The following MT1X variants were observed in gnomAD, a reference collection of about 807,000 sequenced individuals.
MT1X encodes metallothionein 1X, also known as metallothionein-1X.
A neutral mutation model predicts 8.6 loss-of-function variants in MT1X; 7 were observed. The ratio of observed to expected loss-of-function variants is 0.81; its 90% CI spans 0.46 to 1.52. The LOEUF (loss-of-function observed/expected upper bound fraction) is 1.52. Ranked by LOEUF, MT1X falls within the 40% of genes most tolerant of loss-of-function variation. The probability of loss-of-function intolerance (pLI) is 0.01; values close to 1 mark genes in which losing one functional copy is unlikely to be tolerated. For synonymous variants in MT1X, 25 were observed against 27.6 expected (o/e 0.91, Z 0.30); for missense variants, 72 against 74.3 (o/e 0.97, Z 0.11).
chr16:56,683,716 C>T (rs1445677691), intron 2 of MT1X: 1 of 550,968 alleles, frequency 1.8e-6, no homozygotes, highest in African/African-American at 1.9e-5. Context: ...CCTTTTGTTC[C>T]TGTACCCCCA....
At chr16:56,683,933 C>T in intron 2 of MT1X, 25 bp from the exon 3 acceptor site, 1 of 1,613,790 alleles carries the variant, frequency 6.2e-7, no homozygotes, top group South Asian at 1.1e-5. Flanking sequence ...CTGCTCTGAC[C>T]TCTCACTCTC....
Position 56,684,041 on chromosome 16 carries a change from T to A in MT1X, c.178T>A (p.Cys60Ser). The A allele has an allele frequency of 1.9e-6, 3 of 1,613,738 alleles. No individual in the cohort carries two copies. Among genetic ancestry groups the A allele is most frequent in the Non-Finnish European group, 2.5e-6 (3 of 1,179,932 alleles). The part of the protein sequence containing the change: ...CKGTSDKCSC[C>S]A ...AGGGACGTCAGACAAGTGCAGCTGCTGTGCCTGATGCCAGGACAGCTGTGC... is the reference window on the plus strand; with the variant it reads ...AGGGACGTCAGACAAGTGCAGCTGCAGTGCCTGATGCCAGGACAGCTGTGC... The change falls in exon 3 of 3, where the codon TGT (cysteine) becomes AGT (serine). Residue 60 changes from cysteine (C) to serine (S), a missense_variant. Physicochemically the swap from Cys to Ser is moderately radical, Grantham distance 112. Transcript: ENST00000394485.
intron 2 of MT1X, 29 bp downstream of exon 2, chr16:56,683,259 G>T (rs1471714211): frequency 1.2e-6 from 2 of 1,612,936 alleles, no homozygotes; most frequent in African/African-American, 1.3e-5. Context: ...CTGCGAATCT[G>T]GGGGATGGGC....
chr16:56,682,625 C>T lies in MT1X; in HGVS notation c.28+57C>T. The T allele has an allele frequency of 2.5e-6, 4 of 1,604,080 alleles. No individual in the cohort carries two copies. The South Asian group carries it at 3.3e-5, about 13-fold the overall frequency. ...GCCCGTTTCCCAGCCACAGTACAGA[C>T]TCTTCCTGGGTTTGAAGAAGTCGCA... is the stretch of plus-strand genomic sequence containing the variant. On this transcript the variant is annotated intron_variant, in intron 1 of 2. Coordinates refer to ENST00000394485, the MANE Select transcript of MT1X (RefSeq NM_005952.4).
rs1961035141 is a variant in MT1X, at chr16:56,683,996, G to C, written c.133G>C (p.Ala45Pro). The change falls in exon 3 of 3, where the codon GCC becomes CCC. Residue 45 changes from alanine (A) to proline (P), a missense_variant. By Grantham distance (27) the Ala-to-Pro change is conservative. Transcript: ENST00000394485. The part of the protein sequence containing the change: ...SCCPVGCAKC[A>P]QGCICKGTSD... The stretch of plus-strand genomic sequence containing the variant: ...CTGCCCTGTGGGCTGTGCCAAGTGT[G>C]CCCAGGGCTGCATCTGCAAAGGGAC... 2 of 1,614,112 alleles carry C rather than the reference G, an allele frequency of 1.2e-6. No homozygotes were observed.
intron 2 of MT1X, 129 bp from the exon 3 acceptor site, chr16:56,683,829 A>T: frequency 7.3e-7 from 1 of 1,363,606 alleles, no homozygotes; most frequent in Non-Finnish European, 1.0e-6. Flanking sequence ...TTCTCTTCTG[A>T]CAAAGCCATG....
chr16:56,682,809 GGCTGCTGGCTGAGCCCCAAT>G lies in MT1X; in HGVS notation c.28+245_28+264del, dbSNP rs1411295800. ...CTCCATGTCACCCAGTTGGTCAGGG[GGCTGCTGGCTGAGCCCCAAT>G]GCTCTGACCAGGCTCTGAGCAGTCA... On this transcript the variant is annotated intron_variant, in intron 1 of 2. Coordinates refer to ENST00000394485, the MANE Select transcript of MT1X (RefSeq NM_005952.4). The G allele has an allele frequency of 2.0e-5, 12 of 606,618 alleles. No homozygotes were observed. The Admixed American group carries it at 3.6e-4, about 18-fold the overall frequency. The allele number at this position is 606,618 out of a possible 1,614,324, so 37.6% of individuals were successfully genotyped here. A position where few individuals can be genotyped will look rare whatever the true frequency, so the allele number is the denominator to read the frequency against.
At chr16:56,683,366 C>A in intron 2 of MT1X, 136 bp downstream of exon 2, 3 of 989,516 alleles carry the variant, frequency 3.0e-6, no homozygotes, top group South Asian at 1.5e-5. Context: ...AGAATCAGAC[C>A]TCAAATTGCC....
At position 56,684,105 on chromosome 16, in the gene MT1X, T is replaced by A. The variant is rs1224869875; in HGVS notation, c.*56T>A. ...TAGAGCAACCTATATAAACCTGGATTTTTTTTTTTTTTTTTTTTGTACAAC... is the reference window on the plus strand; with the variant it reads ...TAGAGCAACCTATATAAACCTGGATATTTTTTTTTTTTTTTTTTGTACAAC... On this transcript the variant is annotated 3_prime_UTR_variant, in exon 3 of 3. Transcript: ENST00000394485. 7.2e-5 allele frequency: 19 copies of A among 262,228 alleles called. No individual in the cohort carries two copies. Among genetic ancestry groups the A allele is most frequent in the Non-Finnish European group, 8.5e-5 (17 of 199,034 alleles). 16.2% of individuals were successfully genotyped at this position (262,228 alleles called of 1,614,324 possible).
intron 1 of MT1X, 48 bp from the exon 2 acceptor site, chr16:56,683,116 AC>A (rs368763404): frequency 5.6e-6 from 9 of 1,608,398 alleles, no homozygotes; most frequent in African/African-American, 4.0e-5. Flanking sequence ...CAGCTGCTGT[AC>A]CTTCTGCATC....
rs34700091 is a variant in MT1X, at chr16:56,684,103, A to ATTT, written c.*72_*74dup. 3.8e-4 allele frequency: 489 copies of ATTT among 1,275,372 alleles called. No individual in the cohort carries two copies. The highest frequency in any genetic ancestry group is 1.4e-3 in the South Asian group (89 of 64,896). The allele number at this position is 1,275,372 out of a possible 1,614,324, so 79.0% of individuals were successfully genotyped here. A position where few individuals can be genotyped will look rare whatever the true frequency, so the allele number is the denominator to read the frequency against. ...AATAGAGCAACCTATATAAACCTGG[A>ATTT]TTTTTTTTTTTTTTTTTTTTGTACA... On this transcript the variant is annotated 3_prime_UTR_variant, in exon 3 of 3. Coordinates refer to ENST00000394485, the MANE Select transcript of MT1X (RefSeq NM_005952.4).
intron 1 of MT1X, 79 bp downstream of exon 1, chr16:56,682,647 C>A (rs377032037): frequency 2.6e-6 from 4 of 1,566,358 alleles, no homozygotes; most frequent in South Asian, 1.1e-5. Context: ...TTGAAGAAGT[C>A]GCATTTAAAG....
chr16:56,683,832 A>C, intron 2 of MT1X, 126 bp from the exon 3 acceptor site: 1 of 1,381,912 alleles, frequency 7.2e-7, no homozygotes, highest in South Asian at 1.3e-5. Flanking sequence ...TCTTCTGACA[A>C]AGCCATGCCA....
rs1961013516 is a variant in MT1X, at chr16:56,682,530, C to T, written c.-11C>T. On this transcript the variant is annotated 5_prime_UTR_variant, in exon 1 of 3. Transcript: ENST00000394485. ...TCTTGATCGGGAACTCCTGCTTCTC[C>T]TTGCCTCGAAATGGACCCCAACTGC... is the stretch of plus-strand genomic sequence containing the variant. The T allele has an allele frequency of 6.2e-7, 1 of 1,614,224 alleles. No individual in the cohort carries two copies. Among genetic ancestry groups the T allele is most frequent in the Non-Finnish European group, 8.5e-7 (1 of 1,180,038 alleles).
chr16:56,683,914 T>G (rs1464854933), intron 2 of MT1X, 44 bp from the exon 3 acceptor site: 1 of 1,612,312 alleles, frequency 6.2e-7, no homozygotes, highest in East Asian at 2.2e-5. Flanking sequence ...GGGAGGTGCC[T>G]GATTGAGTCT....
At chr16:56,683,582 C>G (rs1302273640) in intron 2 of MT1X, 4 of 392,220 alleles carry the variant, frequency 1.0e-5, no homozygotes, top group Non-Finnish European at 1.9e-5. Context: ...ATGATCCAGT[C>G]CTTTCCTGCA....
At chr16:56,682,905 G>A in intron 1 of MT1X, 1 of 593,716 alleles carries the variant, frequency 1.7e-6, no homozygotes, top group Non-Finnish European at 3.0e-6. Flanking sequence ...CAGGACAGAA[G>A]GTTCTGGCCT....
In MT1X at chr16:56,683,470, G is replaced by C. The variant is rs1961026338; in HGVS notation, c.94+240G>C. On this transcript the variant is annotated intron_variant, in intron 2 of 2. Coordinates refer to ENST00000394485, the MANE Select transcript of MT1X (RefSeq NM_005952.4). Reference sequence around the variant, plus strand: ...AGTGTTGGGAACAAAGCTGGAATGTGAACCTAGGTCTCCTGCCTCCTGATG... The same window carrying C: ...AGTGTTGGGAACAAAGCTGGAATGTCAACCTAGGTCTCCTGCCTCCTGATG... 7 of 505,662 alleles carry C rather than the reference G, an allele frequency of 1.4e-5. No homozygotes were observed. In the Admixed American group the frequency reaches 2.3e-4, roughly 17 times the overall value. 31.3% of individuals were successfully genotyped at this position (505,662 alleles called of 1,614,324 possible).
intron 1 of MT1X, 32 bp downstream of exon 1, chr16:56,682,600 G>A (rs765317754): frequency 6.2e-7 from 1 of 1,613,906 alleles, no homozygotes; most frequent in African/African-American, 1.3e-5. Context: ...GCCTTGGGAT[G>A]CCCGTTTCCC....
Sources: allele counts gnomAD v4.1 joint callset, GRCh38; gene constraint gnomAD v4.1.1; transcripts MANE v1.5; gene names NCBI Gene and HGNC (gene_info 2026-07-23, HGNC 2026-07-21).